The following RUNDC3B variants were observed in gnomAD, a reference collection of about 807,000 sequenced individuals.
The protein encoded by RUNDC3B is RUN domain-containing protein 3B.
A neutral mutation model predicts 58.4 loss-of-function variants in RUNDC3B; 33 were observed. That is an observed-to-expected ratio of 0.56 (90% CI 0.43 to 0.75). The LOEUF is 0.75. RUNDC3B is among the 30% of genes least tolerant of loss of function. The pLI is 0.00. For missense variants in RUNDC3B, 501 were observed against 535.7 expected (o/e 0.94, Z 0.64); for synonymous variants, 193 against 195.2 (o/e 0.99, Z 0.10).
intron 4 of RUNDC3B, among the ~76,000 whole-genome samples, chr7:87,712,601 G>A (rs1466417231): frequency 6.6e-6 from 1 of 151,824 alleles, no homozygotes; most frequent in African/African-American, 2.4e-5. Flanking sequence ...GATTGGGTGG[G>A]GTAGAAATAA....
chr7:87,784,991 G>A (rs1409474346), intron 8 of RUNDC3B, among the ~76,000 whole-genome samples: 1 of 152,050 alleles, frequency 6.6e-6, no homozygotes, highest in East Asian at 1.9e-4. Flanking sequence ...AGTCAGAGTA[G>A]GTTGTGGGAT....
intron 8 of RUNDC3B, among the ~76,000 whole-genome samples, chr7:87,794,767 G>GT (rs1047013055): frequency 8.5e-5 from 13 of 152,058 alleles, no homozygotes; most frequent in African/African-American, 2.7e-4. Context: ...AAAAAGCATG[G>GT]TATTGACATT....
Position 87,807,355 on chromosome 7 carries a change from C to CCAT in RUNDC3B, c.957-16_957-14dup. The CCAT allele has an allele frequency of 1.9e-6, 3 of 1,612,610 alleles. No homozygotes were observed. Among genetic ancestry groups the CCAT allele is most frequent in the Non-Finnish European group, 2.5e-6 (3 of 1,179,058 alleles). ...AGAACAGTGAAGACAAAAGCACTCA[C>CCAT]CATCTTAATATTCACAGGACTGTGC... On this transcript the variant is annotated splice_polypyrimidine_tract_variant and intron_variant, in intron 8 of 10. Transcript: ENST00000394654.
At chr7:87,789,696 C>T (rs1177007300) in intron 8 of RUNDC3B, among the ~76,000 whole-genome samples, 2 of 151,940 alleles carry the variant, frequency 1.3e-5, no homozygotes, top group African/African-American at 4.8e-5. Flanking sequence ...AATGCCAAGC[C>T]CCAGAAGGAT....
intron 10 of RUNDC3B, among the ~76,000 whole-genome samples, chr7:87,819,122 C>T (rs1267873214): frequency 6.6e-6 from 1 of 152,146 alleles, no homozygotes; most frequent in African/African-American, 2.4e-5. Flanking sequence ...GGGCTCTCTG[C>T]TGAGTCCTGT....
At chr7:87,823,844 C>A (rs898367581) in intron 10 of RUNDC3B, among the ~76,000 whole-genome samples, 2 of 149,352 alleles carry the variant, frequency 1.3e-5, no homozygotes, top group Non-Finnish European at 3.0e-5. Flanking sequence ...ACACACTCAC[C>A]TACATACATA....
At chr7:87,652,888 C>A (rs142024281) in intron 2 of RUNDC3B, among the ~76,000 whole-genome samples, 1 of 151,640 alleles carries the variant, frequency 6.6e-6, no homozygotes, top group African/African-American at 2.4e-5. Context: ...TATAACTTTG[C>A]GTGTTTCTAA....
chr7:87,664,805 A>G (rs1825067926), intron 2 of RUNDC3B, among the ~76,000 whole-genome samples: 1 of 152,170 alleles, frequency 6.6e-6, no homozygotes, highest in African/African-American at 2.4e-5. Flanking sequence ...AATATAGAAA[A>G]TACATTTGAC....
intron 6 of RUNDC3B, among the ~76,000 whole-genome samples, chr7:87,766,312 T>C (rs1833974460): frequency 6.6e-6 from 1 of 152,160 alleles, no homozygotes; most frequent in Non-Finnish European, 1.5e-5. Context: ...TGCTTTGTAA[T>C]CTCAATTGTG....
intron 2 of RUNDC3B, among the ~76,000 whole-genome samples, chr7:87,656,201 T>C (rs1056372884): frequency 3.3e-5 from 5 of 152,162 alleles, no homozygotes; most frequent in African/African-American, 9.6e-5. Context: ...TTCCATGATA[T>C]ATACAAATTT....
intron 2 of RUNDC3B, among the ~76,000 whole-genome samples, chr7:87,653,483 A>G (rs1022559885): frequency 1.1e-4 from 16 of 152,068 alleles, no homozygotes; most frequent in Non-Finnish European, 1.3e-4. Context: ...TGCTGAAGCA[A>G]TCTACTCAAC....
At chr7:87,828,707 C>G (rs1837972324) in intron 10 of RUNDC3B, among the ~76,000 whole-genome samples, 1 of 152,048 alleles carries the variant, frequency 6.6e-6, no homozygotes, top group African/African-American at 2.4e-5. Flanking sequence ...GTCTTTTTGG[C>G]AGAATGATTT....
At position 87,710,601 on chromosome 7, in the gene RUNDC3B, A is replaced by C. The variant is rs765989518; in HGVS notation, c.404A>C (p.Glu135Ala). 3 of 1,602,250 alleles carry C rather than the reference A, an allele frequency of 1.9e-6. No individual in the cohort carries two copies. Among genetic ancestry groups the C allele is most frequent in the Non-Finnish European group, 2.6e-6 (3 of 1,172,302 alleles). The change falls in exon 4 of 11, where the codon GAA becomes GCA. Residue 135 changes from glutamate (E) to alanine (A), a missense_variant. Transcript: ENST00000394654. ...GRAWIRVALM[E>A]KHLSEYISTA... ...GCCTGGATCAGAGTAGCACTCATGG[A>C]AAAACATTTATCTGAATACATCTCT...
intron 2 of RUNDC3B, among the ~76,000 whole-genome samples, chr7:87,660,908 C>A (rs1300213856): frequency 6.6e-6 from 1 of 151,754 alleles, no homozygotes; most frequent in Non-Finnish European, 1.5e-5. Flanking sequence ...GAGTTATAGT[C>A]AGAATTTGGT....
intron 6 of RUNDC3B, among the ~76,000 whole-genome samples, chr7:87,745,577 T>G (rs966873935): frequency 6.6e-6 from 1 of 152,204 alleles, no homozygotes; most frequent in African/African-American, 2.4e-5. Flanking sequence ...CCATCTCATC[T>G]AGGTTTTCTA....
chr7:87,707,423 C>T (rs1829702829), intron 3 of RUNDC3B, among the ~76,000 whole-genome samples: 1 of 151,996 alleles, frequency 6.6e-6, no homozygotes, highest in African/African-American at 2.4e-5. Context: ...CCTTTAATCC[C>T]AGCACTTTGG....
chr7:87,710,002 T>G (rs1829923624), intron 3 of RUNDC3B, among the ~76,000 whole-genome samples: 1 of 152,134 alleles, frequency 6.6e-6, no homozygotes, highest in South Asian at 2.1e-4. Context: ...GTTTAAATAT[T>G]TGGTAATAGC....
chr7:87,742,288 G>A (rs1832371369), intron 6 of RUNDC3B, among the ~76,000 whole-genome samples: 1 of 152,094 alleles, frequency 6.6e-6, no homozygotes, highest in Non-Finnish European at 1.5e-5. Context: ...TGATTTGTGA[G>A]ATTTTGGAAC....
intron 2 of RUNDC3B, among the ~76,000 whole-genome samples, chr7:87,683,112 C>T (rs1289909634): frequency 6.6e-6 from 1 of 152,082 alleles, no homozygotes; most frequent in Non-Finnish European, 1.5e-5. Context: ...ATGAACCAAC[C>T]TCTGCTAGCT....
Sources: gnomAD v4.1 joint callset for allele counts (sites outside exome capture counted in the v4.1 genomes callset) on GRCh38, gnomAD v4.1.1 for gene constraint, MANE v1.5 for transcripts, NCBI Gene and HGNC (gene_info 2026-07-23, HGNC 2026-07-21) for gene names.